The following PTPRD variants were observed in gnomAD, a reference collection of about 807,000 sequenced individuals.
PTPRD encodes receptor-type tyrosine-protein phosphatase delta.
A neutral mutation model predicts 214.5 loss-of-function variants in PTPRD; 34 were observed. That is an observed-to-expected ratio of 0.16 (90% CI 0.12 to 0.21). The LOEUF is 0.21. Ranked by LOEUF, PTPRD falls within the 10% of genes least tolerant of loss-of-function variation. The pLI is 1.00. For missense variants in PTPRD, 2,545 were observed against 2,398.7 expected, an observed-to-expected ratio of 1.06 and a Z score of -1.27; for synonymous variants, 1,128 against 845.7, an observed-to-expected ratio of 1.33 and a Z score of -5.79.
intron 12 of PTPRD, among the ~76,000 whole-genome samples, chr9:8,655,514 T>C (rs1369054419): frequency 2.0e-5 from 3 of 152,200 alleles, no homozygotes; most frequent in Non-Finnish European, 2.9e-5. Flanking sequence ...TTTAGATCTT[T>C]AACATCTGAA....
At chr9:10,024,674 C>T (rs2096886802) in intron 4 of PTPRD, among the ~76,000 whole-genome samples, 1 of 151,502 alleles carries the variant, frequency 6.6e-6, no homozygotes, top group Non-Finnish European at 1.5e-5. Flanking sequence ...TACATGTGCA[C>T]AACGTGCAGG....
At chr9:8,372,971 A>T (rs2082013054) in intron 39 of PTPRD, among the ~76,000 whole-genome samples, 1 of 152,002 alleles carries the variant, frequency 6.6e-6, no homozygotes. Context: ...TTTAATATAG[A>T]AAAAAAGTTT....
At chr9:10,521,419 C>G (rs905921691) in intron 2 of PTPRD, among the ~76,000 whole-genome samples, 2 of 152,066 alleles carry the variant, frequency 1.3e-5, no homozygotes, top group African/African-American at 2.4e-5. Flanking sequence ...GGGATCTACT[C>G]CTGGTGAAGA....
intron 10 of PTPRD, among the ~76,000 whole-genome samples, chr9:9,177,400 C>A (rs1286408572): frequency 1.3e-5 from 2 of 151,960 alleles, no homozygotes; most frequent in African/African-American, 4.8e-5. Context: ...CATATCACGA[C>A]CCTAATTGTT....
intron 3 of PTPRD, among the ~76,000 whole-genome samples, chr9:10,248,490 A>T: frequency 7.2e-6 from 1 of 139,478 alleles, no homozygotes; most frequent in African/African-American, 2.7e-5. Flanking sequence ...AGTTCTACAG[A>T]ATGTCAAAGG....
chr9:8,621,993 A>G (rs1411424878), intron 14 of PTPRD, among the ~76,000 whole-genome samples: 2 of 151,884 alleles, frequency 1.3e-5, no homozygotes, highest in African/African-American at 4.8e-5. Flanking sequence ...ACAAAAATCA[A>G]TTTTGCTTAA....
At chr9:9,459,593 C>A (rs1247284182) in intron 8 of PTPRD, among the ~76,000 whole-genome samples, 2 of 151,992 alleles carry the variant, frequency 1.3e-5, no homozygotes, top group African/African-American at 4.8e-5. Flanking sequence ...ATAACTCAAT[C>A]GCATTTAAAA....
intron 3 of PTPRD, among the ~76,000 whole-genome samples, chr9:10,168,121 C>T (rs117638467): frequency 0.021 from 3,216 of 152,248 alleles, 46 homozygotes; most frequent in Non-Finnish European, 0.031. Context: ...TTTGCTTTTG[C>T]AGGTGATGGC....
At position 8,582,180 on chromosome 9, in the gene PTPRD, G is replaced by C. The variant is rs2093217133; in HGVS notation, c.352+51137C>G. ...GCAGTATTTCACATCAGGAGAGAAA[G>C]GTTGGGACTAGCCAATAAACAGTGT... On this transcript the variant is annotated intron_variant, in intron 14 of 45. Coordinates refer to ENST00000381196, the MANE Select transcript of PTPRD (RefSeq NM_002839.4). Among the ~76,000 whole-genome samples the C allele has an allele frequency of 2.6e-5, 4 of 152,210 alleles. No homozygotes were observed. In the South Asian group the frequency reaches 6.2e-4, roughly 24 times the overall value.
chr9:9,157,646 G>C (rs560019784), intron 10 of PTPRD, among the ~76,000 whole-genome samples: 21 of 152,240 alleles, frequency 1.4e-4, no homozygotes, highest in African/African-American at 5.1e-4. Flanking sequence ...TCAAAGAGAA[G>C]CCCAGGACCA....
chr9:8,564,290 C>T (rs2087892785), intron 14 of PTPRD, among the ~76,000 whole-genome samples: 2 of 152,038 alleles, frequency 1.3e-5, no homozygotes, highest in Non-Finnish European at 2.9e-5. Flanking sequence ...TTTTGATTTA[C>T]AATATTTTAA....
Position 10,248,533 on chromosome 9 carries a change from A to AAAAAAAAAAAAC in PTPRD, c.-545+92429_-545+92430insGTTTTTTTTTTT, listed in dbSNP as rs60272481. Among the ~76,000 whole-genome samples the AAAAAAAAAAAAC allele has an allele frequency of 9.1e-4, 116 of 127,388 alleles. 1 individual carries two copies. The highest frequency in any genetic ancestry group is 2.2e-3 in the African/African-American group (66 of 30,348). 83.6% of individuals were successfully genotyped at this position (127,388 alleles called of 152,430 possible). ...TAGCAAAAAAAAAAAAAAATAAAAA[A>AAAAAAAAAAAAC]AATAAAGCGAGAAACCAAAATGATA... On this transcript the variant is annotated intron_variant, in intron 3 of 45. Transcript: ENST00000381196.
chr9:10,017,817 T>A (rs148041010), intron 4 of PTPRD, among the ~76,000 whole-genome samples: 4,339 of 152,198 alleles, frequency 0.029, 123 homozygotes, highest in Admixed American at 0.089. Flanking sequence ...TTCAAGAATG[T>A]CTTGATGAAA....
At chr9:8,741,566 C>CTTTTTTTTTTTTTTTTTTTTTTTTTTTT (rs66547770) in intron 11 of PTPRD, among the ~76,000 whole-genome samples, 1 of 70,634 alleles carries the variant, frequency 1.4e-5, no homozygotes, top group Non-Finnish European at 2.5e-5. Flanking sequence ...TCAGGCATTT[C>CTTTTTTTTTTTTTTTTTTTTTTTTTTTT]TTTTTTTTTT....
intron 12 of PTPRD, among the ~76,000 whole-genome samples, chr9:8,663,816 G>A (rs2097116654): frequency 1.3e-5 from 2 of 151,238 alleles, no homozygotes; most frequent in Non-Finnish European, 2.9e-5. Context: ...GAAACATGAT[G>A]GTACTATATT....
intron 14 of PTPRD, among the ~76,000 whole-genome samples, chr9:8,536,054 CATT>C (rs1455985634): frequency 6.6e-6 from 1 of 151,426 alleles, no homozygotes; most frequent in Non-Finnish European, 1.5e-5. Context: ...AGGATGGTAT[CATT>C]ATCATTTTTT....
At chr9:9,424,434 A>C (rs1330412558) in intron 8 of PTPRD, among the ~76,000 whole-genome samples, 1 of 152,188 alleles carries the variant, frequency 6.6e-6, no homozygotes, top group Non-Finnish European at 1.5e-5. Flanking sequence ...TGAATAGCCC[A>C]CGGCATTGTG....
intron 4 of PTPRD, among the ~76,000 whole-genome samples, chr9:9,988,824 C>T (rs1343997222): frequency 6.6e-6 from 1 of 151,274 alleles, no homozygotes; most frequent in Non-Finnish European, 1.5e-5. Flanking sequence ...CTTTTTATGG[C>T]CACACATTAT....
chr9:8,493,450 T>C (rs949367900), intron 26 of PTPRD, among the ~76,000 whole-genome samples: 4 of 151,944 alleles, frequency 2.6e-5, no homozygotes, highest in Non-Finnish European at 5.9e-5. Context: ...TCTCCACACA[T>C]ATCCACTGTA....
Sources: gnomAD v4.1 joint callset for allele counts (sites outside exome capture counted in the v4.1 genomes callset) on GRCh38, gnomAD v4.1.1 for gene constraint, MANE v1.5 for transcripts, NCBI Gene and HGNC (gene_info 2026-07-23, HGNC 2026-07-21) for gene names.